PEX16: variants seen among roughly 807,000 people sequenced by gnomAD.
PEX16 encodes peroxin 16.
PEX16 carries 37 observed loss-of-function variants against 50.5 expected under a neutral mutation model. The observed-to-expected ratio is 0.73, with a 90% CI of 0.56 to 0.96. The LOEUF (loss-of-function observed/expected upper bound fraction) is 0.96. PEX16 is among the 40% of genes least tolerant of loss of function. The probability of loss-of-function intolerance (pLI) is 0.00; values close to 1 mark genes in which losing one functional copy is unlikely to be tolerated. For missense variants in PEX16, 401 were observed against 438.3 expected, an observed-to-expected ratio of 0.91 and a Z score of 0.76; for synonymous variants, 185 against 190.3, an observed-to-expected ratio of 0.97 and a Z score of 0.23.
upstream of PEX16, chr11:45,918,495 G>C (rs2086864398): frequency 6.5e-6 from 1 of 155,002 alleles, no homozygotes; most frequent in African/African-American, 2.4e-5. Context: ...CTCCGGCTTC[G>C]GCCTCAGCTC....
intron 9 of PEX16, among the ~76,000 whole-genome samples, 187 bp from the exon 10 acceptor site, chr11:45,911,149 GCCTCCAC>G (rs1298788927): frequency 6.6e-6 from 1 of 152,210 alleles, no homozygotes; most frequent in Non-Finnish European, 1.5e-5. Flanking sequence ...GTTGGCTCTG[GCCTCCAC>G]CCTCCACCAG....
chr11:45,916,204 C>A, intron 3 of PEX16, 23 bp downstream of exon 3: 1 of 1,583,130 alleles, frequency 6.3e-7, no homozygotes, highest in Admixed American at 1.7e-5. Flanking sequence ...TGCTTCCCAC[C>A]CTGTTCTTGG....
At chr11:45,910,453 G>T (rs543012084) in intron 10 of PEX16, 141 bp from the exon 11 acceptor site, 183 of 734,186 alleles carry the variant, frequency 2.5e-4, no homozygotes, top group Admixed American at 3.8e-4. Flanking sequence ...CACTGCAGGG[G>T]ACTCTGGCAC....
intron 7 of PEX16, 33 bp from the exon 8 acceptor site, chr11:45,914,236 A>C (rs1287082871): frequency 1.2e-6 from 2 of 1,613,556 alleles, no homozygotes; most frequent in Admixed American, 3.3e-5. Context: ...TGTCTCCAGC[A>C]CAGGGGCCTT....
Position 45,915,626 on chromosome 11 carries a change from G to A in PEX16, c.360-58C>T, listed in dbSNP as rs1167128963. On this transcript the variant is annotated intron_variant, in intron 4 of 10. Transcript: ENST00000378750. ...GGTGGCTAGCCGGCGGGAGGCCAGG[G>A]ATGCTCTGCTGAGCACCATCTGTGT... 3 of 1,612,784 alleles carry A rather than the reference G, an allele frequency of 1.9e-6. No homozygotes were observed. In the African/African-American group the frequency reaches 4.0e-5, roughly 22 times the overall value.
Position 45,914,591 on chromosome 11 carries a change from A to G in PEX16, c.541+13T>C. 1 of 1,613,992 alleles carries G rather than the reference A, an allele frequency of 6.2e-7. No homozygotes were observed. Among genetic ancestry groups the G allele is most frequent in the Non-Finnish European group, 8.5e-7 (1 of 1,179,898 alleles). The stretch of plus-strand genomic sequence containing the variant: ...GCACCTAGGTGCCCAGGCCAGCCAC[A>G]TCCTCCACTTACTGTTCTGGAGGGT... On this transcript the variant is annotated intron_variant, in intron 6 of 10. Coordinates refer to ENST00000378750, the MANE Select transcript of PEX16 (RefSeq NM_004813.4).
rs2086856525 is a variant in PEX16 at position 45,917,842 on chromosome 11, G to A, written c.-31C>T. 2.7e-6 allele frequency: 4 copies of A among 1,460,302 alleles called. No homozygotes were observed. The highest frequency in any genetic ancestry group is 1.2e-5 in the South Asian group (1 of 82,472). The allele number at this position is 1,460,302 out of a possible 1,614,324, so 90.5% of individuals were successfully genotyped here. ...CCTCGGCACCGACAGACCCACAGAA[G>A]GACCGTACGACAGGCTGCGGCGCCC... On this transcript the variant is annotated 5_prime_UTR_variant, in exon 1 of 11. Transcript: ENST00000378750.
chr11:45,914,884 C>A (rs2086817920), intron 5 of PEX16, among the ~76,000 whole-genome samples, 200 bp from the exon 6 acceptor site: 2 of 152,228 alleles, frequency 1.3e-5, no homozygotes, highest in African/African-American at 4.8e-5. Flanking sequence ...ACTCTGCAGC[C>A]CTCCCTAGCC....
chr11:45,914,588 C>G lies in PEX16; in HGVS notation c.541+16G>C. 1 of 1,613,966 alleles carries G rather than the reference C, an allele frequency of 6.2e-7. No homozygotes were observed. Among genetic ancestry groups the G allele is most frequent in the Non-Finnish European group, 8.5e-7 (1 of 1,179,876 alleles). On this transcript the variant is annotated intron_variant, in intron 6 of 10. Coordinates refer to ENST00000378750, the MANE Select transcript of PEX16 (RefSeq NM_004813.4). Reference sequence around the variant, plus strand: ...ACAGCACCTAGGTGCCCAGGCCAGCCACATCCTCCACTTACTGTTCTGGAG... The same window carrying G: ...ACAGCACCTAGGTGCCCAGGCCAGCGACATCCTCCACTTACTGTTCTGGAG...
chr11:45,914,045 G>T (rs1342787816), intron 8 of PEX16, 86 bp downstream of exon 8: 1 of 1,570,096 alleles, frequency 6.4e-7, no homozygotes, highest in African/African-American at 1.4e-5. Context: ...GGAGGAGCAG[G>T]GGCCGCTGCC....
intron 2 of PEX16, chr11:45,917,134 G>A (rs2086845073): frequency 1.6e-6 from 1 of 638,888 alleles, no homozygotes; most frequent in Non-Finnish European, 2.9e-6. Flanking sequence ...ACCTCACTGA[G>A]CTTCTTCCTT....
At chr11:45,912,792 G>A (rs570751312) in intron 9 of PEX16, among the ~76,000 whole-genome samples, 3 of 151,924 alleles carry the variant, frequency 2.0e-5, no homozygotes, top group African/African-American at 4.8e-5. Context: ...GTGAGGCATC[G>A]TGCCTGGCTA....
At chr11:45,910,851 C>A (rs529916405) in intron 10 of PEX16, 47 bp downstream of exon 10, 1 of 1,496,526 alleles carries the variant, frequency 6.7e-7, no homozygotes, top group Non-Finnish European at 9.3e-7. Context: ...TGCTTGCATG[C>A]ATGCGCCTTC....
rs768859616 is a variant in PEX16 at position 45,914,404 on chromosome 11, A to ATGC, written c.603_605dup (p.Gln201dup). 4.3e-6 allele frequency: 7 copies of ATGC among 1,609,558 alleles called. No homozygotes were observed. The highest frequency in any genetic ancestry group is 2.7e-5 in the African/African-American group (2 of 75,014). ...TGGGGGTCGCACTCAGCTCCTCGTG[A>ATGC]TGCTGCTGCTGCCGTCCCTCCCGCT... On this transcript the variant is annotated inframe_insertion, in exon 7 of 11. Coordinates refer to ENST00000378750, the MANE Select transcript of PEX16 (RefSeq NM_004813.4).
Position 45,914,415 on chromosome 11 carries a change from G to T in PEX16, c.595C>A (p.Gln199Lys), listed in dbSNP as rs770726448. The T allele has an allele frequency of 1.9e-6, 3 of 1,609,230 alleles. No individual in the cohort carries two copies. Among genetic ancestry groups the T allele is most frequent in the Non-Finnish European group, 2.5e-6 (3 of 1,179,994 alleles). Reference protein sequence around the residue: ...WGAPQQREGRQQQHHEELSAT... With the variant: ...WGAPQQREGRKQQHHEELSAT... ...CTCAGCTCCTCGTGATGCTGCTGCT[G>T]CCGTCCCTCCCGCTGCTGGGGAGCT... The change falls in exon 7 of 11, where the codon CAG (glutamine) becomes AAG (lysine). Residue 199 changes from glutamine (Q) to lysine (K), a missense_variant. Gln to Lys is a moderately conservative substitution (Grantham distance 53, BLOSUM62 1). Transcript: ENST00000378750.
chr11:45,915,492 T>C lies in PEX16; in HGVS notation c.436A>G (p.Arg146Gly), dbSNP rs775998638. Residue 146 changes from arginine (R) to glycine (G), a missense_variant, in exon 5 of 11, where the codon AGA (arginine) becomes GGA (glycine). Arg to Gly is a moderately radical substitution (Grantham distance 125). Transcript: ENST00000378750. ...QTSPPIVPLD[R>G]ETQAQPPDGD... ...CCCGGGGGCTGTGCCTGGGTCTCTC[T>C]GTCCAGTGGAACGATAGGGGGTGAA... 1 of 1,614,170 alleles carries C rather than the reference T, an allele frequency of 6.2e-7. No individual in the cohort carries two copies. The highest frequency in any genetic ancestry group is 1.1e-5 in the South Asian group (1 of 91,086).
At chr11:45,918,468 A>G (rs11553093), upstream of PEX16, 10,494 of 159,184 alleles carry the variant, frequency 0.066, 490 homozygotes, top group Non-Finnish European at 0.1. Context: ...TCGATCCCCT[A>G]GACAGCACAG....
intron 2 of PEX16, 64 bp downstream of exon 2, chr11:45,917,394 C>G: frequency 6.6e-7 from 1 of 1,520,414 alleles, no homozygotes; most frequent in Non-Finnish European, 9.1e-7. Context: ...CTCACCCTCT[C>G]TGGGGAACTC....
At chr11:45,918,208 G>A (rs891502018), upstream of PEX16, 2 of 313,784 alleles carry the variant, frequency 6.4e-6, no homozygotes, top group East Asian at 8.1e-5. Flanking sequence ...GAAGGGAGCT[G>A]GAGCCCCGAG....
Sources: gnomAD v4.1 joint callset for allele counts (sites outside exome capture counted in the v4.1 genomes callset) on GRCh38, gnomAD v4.1.1 for gene constraint, MANE v1.5 for transcripts, NCBI Gene and HGNC (gene_info 2026-07-23, HGNC 2026-07-21) for gene names.